The following FCHSD2 variants were observed in gnomAD, a reference collection of about 807,000 sequenced individuals.
FCHSD2 encodes the protein F-BAR and double SH3 domains protein 2.
A neutral mutation model predicts 108.1 loss-of-function variants in FCHSD2; 38 were observed. The ratio of observed to expected loss-of-function variants is 0.35; its 90% confidence interval spans 0.27 to 0.46. FCHSD2 has a LOEUF of 0.46. Ranked by LOEUF, FCHSD2 falls within the 20% of genes least tolerant of loss-of-function variation. The pLI is 1.00. For synonymous variants in FCHSD2, 279 were observed against 314.7 expected, an observed-to-expected ratio of 0.89 and a Z score of 1.20; for missense variants, 751 against 897.8, an observed-to-expected ratio of 0.84 and a Z score of 2.09.
intron 10 of FCHSD2, among the ~76,000 whole-genome samples, chr11:72,892,503 TTAA>T (rs1855333584): frequency 6.6e-6 from 1 of 152,248 alleles, no homozygotes; most frequent in Non-Finnish European, 1.5e-5. Context: ...GCCCAGGCTA[TTAA>T]ACAATACACA....
At chr11:73,051,142 C>A (rs938070496) in intron 3 of FCHSD2, among the ~76,000 whole-genome samples, 1 of 152,100 alleles carries the variant, frequency 6.6e-6, no homozygotes, top group Non-Finnish European at 1.5e-5. Context: ...CAAAGTGAGA[C>A]CCTGTCTCTA....
At chr11:72,932,667 ATT>A (rs1856218197) in intron 8 of FCHSD2, among the ~76,000 whole-genome samples, 1 of 151,878 alleles carries the variant, frequency 6.6e-6, no homozygotes, top group Non-Finnish European at 1.5e-5. Flanking sequence ...GGATATCTCT[ATT>A]GTCTTTTTGC....
chr11:73,134,516 A>G (rs1861077996), intron 2 of FCHSD2, among the ~76,000 whole-genome samples: 1 of 152,056 alleles, frequency 6.6e-6, no homozygotes, highest in Non-Finnish European at 1.5e-5. Context: ...TTGGAATCCA[A>G]TCTCCCATGA....
rs58159831 is a variant in FCHSD2, at chr11:72,896,764, T to TAAAAAAAAA, written c.924+5770_924+5778dup. Among the ~76,000 whole-genome samples the TAAAAAAAAA allele has an allele frequency of 4.8e-3, 327 of 68,282 alleles. 2 individuals are homozygous for TAAAAAAAAA. The highest frequency in any genetic ancestry group is 5.8e-3 in the Non-Finnish European group (215 of 37,218). 44.8% of individuals were successfully genotyped at this position (68,282 alleles called of 152,430 possible). On this transcript the variant is annotated intron_variant, in intron 10 of 19. Transcript: ENST00000409418. ...CCTGTAGCAATTAGGGGGAAAATAC[T>TAAAAAAAAA]AAAAAAAAAAAAAAAAAAAAAAAAA...
chr11:72,838,604 C>T lies in FCHSD2; in HGVS notation c.*187G>A. ...GGAGAAATGACATAGAAAATGACAACAAAAAAAAAAGGCACGAAATATTCA... is the reference window on the plus strand; with the variant it reads ...GGAGAAATGACATAGAAAATGACAATAAAAAAAAAAGGCACGAAATATTCA... On this transcript the variant is annotated 3_prime_UTR_variant, in exon 20 of 20. Coordinates refer to ENST00000409418, the MANE Select transcript of FCHSD2 (RefSeq NM_014824.3). 1 of 482,616 alleles carries T rather than the reference C, an allele frequency of 2.1e-6. No homozygotes were observed. The highest frequency in any genetic ancestry group is 3.6e-5 in the East Asian group (1 of 28,086). The allele number at this position is 482,616 out of a possible 1,614,324, so 29.9% of individuals were successfully genotyped here. A position where few individuals can be genotyped will look rare whatever the true frequency, so the allele number is the denominator to read the frequency against.
intron 8 of FCHSD2, among the ~76,000 whole-genome samples, chr11:72,957,154 G>A (rs1856728921): frequency 6.7e-6 from 1 of 150,354 alleles, no homozygotes; most frequent in Non-Finnish European, 1.5e-5. Context: ...GCTAGCATTA[G>A]GTATATCTCC....
At chr11:73,010,711 C>A (rs1012190961) in intron 4 of FCHSD2, among the ~76,000 whole-genome samples, 1 of 152,156 alleles carries the variant, frequency 6.6e-6, no homozygotes, top group African/African-American at 2.4e-5. Context: ...ATTAGTGGGG[C>A]CTGTGGTAAA....
chr11:72,916,995 T>G (rs1855888065), intron 9 of FCHSD2, among the ~76,000 whole-genome samples: 2 of 95,350 alleles, frequency 2.1e-5, no homozygotes, highest in South Asian at 6.9e-4. Flanking sequence ...TTTTTTTTTT[T>G]TTTTTTTGAA....
At chr11:72,910,826 C>CT (rs1855749713) in intron 9 of FCHSD2, among the ~76,000 whole-genome samples, 1 of 91,192 alleles carries the variant, frequency 1.1e-5, no homozygotes, top group Non-Finnish European at 2.1e-5. Flanking sequence ...TCAATAAATA[C>CT]TAAAAAAAAA....
chr11:73,024,793 G>A (rs1858188476), intron 3 of FCHSD2, among the ~76,000 whole-genome samples: 1 of 151,850 alleles, frequency 6.6e-6, no homozygotes, highest in Non-Finnish European at 1.5e-5. Context: ...CAAGTTTACA[G>A]GGAAAAAAAC....
At chr11:73,121,191 A>G (rs1406702160) in intron 2 of FCHSD2, among the ~76,000 whole-genome samples, 2 of 151,682 alleles carry the variant, frequency 1.3e-5, no homozygotes, top group East Asian at 3.9e-4. Context: ...ACACACACAC[A>G]CGCATGCACG....
intron 9 of FCHSD2, among the ~76,000 whole-genome samples, chr11:72,921,158 C>T (rs973949875): frequency 6.6e-5 from 10 of 151,942 alleles, no homozygotes; most frequent in African/African-American, 1.4e-4. Flanking sequence ...AGTCAGGAAA[C>T]ATTTATTGTG....
chr11:72,959,939 T>C (rs1362183911), intron 8 of FCHSD2, among the ~76,000 whole-genome samples: 1 of 151,910 alleles, frequency 6.6e-6, no homozygotes, highest in Admixed American at 6.6e-5. Context: ...TCAGTCTAAC[T>C]TTGAGGAAGA....
At chr11:73,001,165 G>GA (rs765499270) in intron 4 of FCHSD2, 31 bp from the exon 5 acceptor site, 95 of 1,606,194 alleles carry the variant, frequency 5.9e-5, no homozygotes, top group Non-Finnish European at 7.5e-5. Flanking sequence ...AAAAGCATTA[G>GA]GCAGGGAACA....
intron 3 of FCHSD2, among the ~76,000 whole-genome samples, chr11:73,049,373 A>G (rs905631841): frequency 1.3e-5 from 2 of 152,204 alleles, no homozygotes; most frequent in Non-Finnish European, 2.9e-5. Context: ...ATGACAAGAA[A>G]CAAGATAGGT....
At chr11:72,992,190 G>T (rs1418476473) in intron 5 of FCHSD2, among the ~76,000 whole-genome samples, 2 of 152,052 alleles carry the variant, frequency 1.3e-5, no homozygotes, top group Non-Finnish European at 2.9e-5. Flanking sequence ...AAATACCTAG[G>T]AATCCAACTT....
chr11:72,846,072 A>G (rs1172451062), intron 14 of FCHSD2, among the ~76,000 whole-genome samples: 1 of 800 alleles, frequency 1.3e-3, no homozygotes, highest in Non-Finnish European at 0.017. Context: ...AGATAGATAG[A>G]TAGATAGATA....
chr11:73,045,994 T>A (rs1406862892), intron 3 of FCHSD2, among the ~76,000 whole-genome samples: 1 of 151,602 alleles, frequency 6.6e-6, no homozygotes, highest in Non-Finnish European at 1.5e-5. Flanking sequence ...AGTAATTTTT[T>A]TTTTTTTTTT....
intron 3 of FCHSD2, among the ~76,000 whole-genome samples, chr11:73,061,070 T>C (rs547189216): frequency 1.3e-5 from 2 of 152,338 alleles, no homozygotes; most frequent in African/African-American, 4.8e-5. Flanking sequence ...AGCAAGATCC[T>C]CGCAGAAGGC....
Sources: gnomAD v4.1 joint callset for allele counts (sites outside exome capture counted in the v4.1 genomes callset) on GRCh38, gnomAD v4.1.1 for gene constraint, MANE v1.5 for transcripts, NCBI Gene and HGNC (gene_info 2026-07-23, HGNC 2026-07-21) for gene names.